Variants in LONRF1 observed in about 807,000 individuals in gnomAD.
LONRF1 encodes the protein LON peptidase N-terminal domain and ring finger 1, also known as LON peptidase N-terminal domain and RING finger protein 1.
A neutral mutation model predicts 85.8 loss-of-function variants in LONRF1; 37 were observed. The ratio of observed to expected loss-of-function variants is 0.43; its 90% CI spans 0.33 to 0.57. The LOEUF is 0.57. Among genes scored for constraint, LONRF1 ranks in the 20% least tolerant of loss-of-function variants. LONRF1 has a pLI of 0.04. For synonymous variants in LONRF1, 517 were observed against 390.1 expected (o/e 1.33, Z -3.83); for missense variants, 1,036 against 978.0 (o/e 1.06, Z -0.79).
intron 3 of LONRF1, 77 bp downstream of exon 3, chr8:12,740,797 C>G: frequency 6.5e-7 from 1 of 1,532,050 alleles, no homozygotes; most frequent in Admixed American, 2.1e-5. Flanking sequence ...CTTATTCCAA[C>G]TTTTATTAGC....
intron 1 of LONRF1, among the ~76,000 whole-genome samples, chr8:12,745,477 T>C (rs566947968): frequency 1.3e-4 from 20 of 152,266 alleles, no homozygotes; most frequent in African/African-American, 3.6e-4. Flanking sequence ...AGGTCTGCCT[T>C]CCACGTAAAC....
intron 4 of LONRF1, 49 bp from the exon 5 acceptor site, chr8:12,737,189 T>C: frequency 6.3e-7 from 1 of 1,590,008 alleles, no homozygotes. Flanking sequence ...TACTATCCTT[T>C]ATTCCTCTCA....
intron 2 of LONRF1, among the ~76,000 whole-genome samples, chr8:12,742,280 G>A (rs938791885): frequency 6.6e-6 from 1 of 152,182 alleles, no homozygotes; most frequent in Non-Finnish European, 1.5e-5. Context: ...CAAAGACACA[G>A]TTTTGAATGG....
At chr8:12,751,069 T>G (rs1799365243) in intron 1 of LONRF1, among the ~76,000 whole-genome samples, 1 of 152,016 alleles carries the variant, frequency 6.6e-6, no homozygotes, top group Non-Finnish European at 1.5e-5. Flanking sequence ...GTGCACAAGG[T>G]CGGAGAGAGG....
chr8:12,753,611 T>C (rs998884249), intron 1 of LONRF1: 1 of 152,220 alleles, frequency 6.6e-6, no homozygotes, highest in Admixed American at 6.5e-5. Flanking sequence ...TCTCTCCAGA[T>C]ATTGTTCTAA....
chr8:12,737,765 A>C (rs1798776191), intron 4 of LONRF1, among the ~76,000 whole-genome samples: 1 of 152,196 alleles, frequency 6.6e-6, no homozygotes, highest in Non-Finnish European at 1.5e-5. Flanking sequence ...CATATTTTTA[A>C]AGAACTAAAA....
In LONRF1 at chr8:12,755,207, C is replaced by T; in HGVS notation, c.214G>A (p.Ala72Thr). The T allele has an allele frequency of 7.8e-7, 1 of 1,279,260 alleles. No homozygotes were observed. The highest frequency in any genetic ancestry group is 9.8e-7 in the Non-Finnish European group (1 of 1,019,398). 79.2% of individuals were successfully genotyped at this position (1,279,260 alleles called of 1,614,324 possible). Residue 72 changes from alanine to threonine, a missense_variant, in exon 1 of 12, where the codon GCG becomes ACG. Around this residue, in one of 3 missense-constraint regions of LONRF1, gnomAD observed 742 missense variants for 614.4 expected, o/e 1.21. Transcript: ENST00000398246. ...GHLKGALEAF[A>T]AALRRGAPAR... ...GGGGCCCCGCGGCGCAGCGCCGCCGCGAACGCCTCCAGCGCGCCCTTCAGG... is the reference window on the plus strand; with the variant it reads ...GGGGCCCCGCGGCGCAGCGCCGCCGTGAACGCCTCCAGCGCGCCCTTCAGG...
In LONRF1 at chr8:12,743,118, T is replaced by G. The variant is rs370737333; in HGVS notation, c.840+46A>C. The G allele has an allele frequency of 6.5e-6, 8 of 1,228,042 alleles. No homozygotes were observed. In the African/African-American group the frequency reaches 7.4e-5, roughly 11 times the overall value. The allele number at this position is 1,228,042 out of a possible 1,614,324, so 76.1% of individuals were successfully genotyped here. The stretch of plus-strand genomic sequence containing the variant: ...ACTGTGAATGAATGCATGTCCCTTA[T>G]AGTTAAAATTTTACAATTTATGCAA... On this transcript the variant is annotated intron_variant, in intron 2 of 11. Coordinates refer to ENST00000398246, the MANE Select transcript of LONRF1 (RefSeq NM_152271.5).
chr8:12,744,307 T>C (rs1408812358), intron 1 of LONRF1, among the ~76,000 whole-genome samples: 1 of 152,174 alleles, frequency 6.6e-6, no homozygotes, highest in Non-Finnish European at 1.5e-5. Flanking sequence ...CAGTTGCTGG[T>C]GCCTGAGAAC....
At chr8:12,743,384 G>C in intron 1 of LONRF1, 102 bp from the exon 2 acceptor site, 1 of 766,752 alleles carries the variant, frequency 1.3e-6, no homozygotes, top group Non-Finnish European at 2.1e-6. Flanking sequence ...AGTGATTCCA[G>C]GGTTAATAAT....
chr8:12,751,834 T>C (rs1053456955), intron 1 of LONRF1, among the ~76,000 whole-genome samples: 1 of 152,118 alleles, frequency 6.6e-6, no homozygotes, highest in Non-Finnish European at 1.5e-5. Flanking sequence ...AGGGGGATCA[T>C]TTCAGTAGGC....
chr8:12,746,629 G>C (rs951838853), intron 1 of LONRF1, among the ~76,000 whole-genome samples: 4 of 151,880 alleles, frequency 2.6e-5, no homozygotes, highest in African/African-American at 9.7e-5. Context: ...TAATATTCCG[G>C]GGCTTTTAAA....
chr8:12,735,254 A>C, intron 7 of LONRF1, 32 bp downstream of exon 7: 2 of 1,437,016 alleles, frequency 1.4e-6, no homozygotes, highest in Non-Finnish European at 1.9e-6. Context: ...CAAACTTAAG[A>C]CCAACAAACA....
chr8:12,733,504 T>TA (rs1408928703), intron 7 of LONRF1, among the ~76,000 whole-genome samples: 1 of 152,210 alleles, frequency 6.6e-6, no homozygotes, highest in Non-Finnish European at 1.5e-5. Context: ...AGTCTGTAGA[T>TA]AATTTTTCTT....
intron 3 of LONRF1, chr8:12,738,627 A>T (rs564792564): frequency 2.6e-5 from 4 of 152,302 alleles, no homozygotes; most frequent in African/African-American, 4.8e-5. Flanking sequence ...CTCACTGAAT[A>T]ACTAACCTGT....
Position 12,729,071 on chromosome 8 carries a change from A to T in LONRF1, c.1848-8T>A. The T allele has an allele frequency of 6.2e-7, 1 of 1,613,454 alleles. No individual in the cohort carries two copies. The highest frequency in any genetic ancestry group is 8.5e-7 in the Non-Finnish European group (1 of 1,179,630). On this transcript the variant is annotated splice_region_variant and splice_polypyrimidine_tract_variant and intron_variant, in intron 9 of 11. Coordinates refer to ENST00000398246, the MANE Select transcript of LONRF1 (RefSeq NM_152271.5). ...CAACCATAATCTGCAAAACTAAAAG[A>T]AAACCTTGATTAGTAACAAAGTTGA...
rs1805945989 is a variant in LONRF1, at chr8:12,722,655, T to G, written c.*441A>C. The G allele has an allele frequency of 6.5e-6, 1 of 154,438 alleles. No individual in the cohort carries two copies. Among genetic ancestry groups the G allele is most frequent in the Non-Finnish European group, 1.4e-5 (1 of 69,340 alleles). The allele number at this position is 154,438 out of a possible 1,614,324, so 9.6% of individuals were successfully genotyped here. A position where few individuals can be genotyped will look rare whatever the true frequency, so the allele number is the denominator to read the frequency against. ...TTGCAAAAACTTGTATCGCTACTCT[T>G]GTAAACTTGGGCAATAAATGACCCT... On this transcript the variant is annotated 3_prime_UTR_variant, in exon 12 of 12. Transcript: ENST00000398246.
At chr8:12,743,495 T>C (rs1799021922) in intron 1 of LONRF1, among the ~76,000 whole-genome samples, 2 of 152,186 alleles carry the variant, frequency 1.3e-5, no homozygotes, top group Non-Finnish European at 2.9e-5. Flanking sequence ...AAGTAGATCA[T>C]TTTAGTGGAG....
chr8:12,751,303 T>TTTGTTTG (rs1563160611), intron 1 of LONRF1, among the ~76,000 whole-genome samples: 1 of 95,948 alleles, frequency 1.0e-5, no homozygotes, highest in Non-Finnish European at 2.3e-5. Context: ...TATGTTTTTT[T>TTTGTTTG]TTTTTTTTTT....
Sources: allele counts gnomAD v4.1 joint callset (sites outside exome capture counted in the v4.1 genomes callset), GRCh38; gene constraint gnomAD v4.1.1; regional missense constraint gnomAD v4.1.1; transcripts MANE v1.5; gene names NCBI Gene and HGNC (gene_info 2026-07-23, HGNC 2026-07-21).